The following EML1 variants were observed in gnomAD, a reference collection of about 807,000 sequenced individuals.
EML1 encodes the protein EMAP like 1.
EML1 carries 27 observed loss-of-function variants against 110.4 expected under a neutral mutation model. That is an observed-to-expected ratio of 0.24 (90% confidence interval 0.18 to 0.34). The LOEUF is 0.34. Ranked by LOEUF, EML1 falls within the 10% of genes least tolerant of loss-of-function variation. EML1 has a pLI of 1.00. For missense variants in EML1, 741 were observed against 1,030.9 expected (o/e 0.72, Z 3.85); for synonymous variants, 344 against 385.8 (o/e 0.89, Z 1.27).
At chr14:99,828,309 A>C (rs1481186803) in intron 1 of EML1, among the ~76,000 whole-genome samples, 1 of 152,184 alleles carries the variant, frequency 6.6e-6, no homozygotes, top group African/African-American at 2.4e-5. Context: ...GAGTGGCAGG[A>C]TGAAACCTTG....
chr14:99,885,516 C>A (rs764301908), intron 4 of EML1, among the ~76,000 whole-genome samples: 12 of 152,182 alleles, frequency 7.9e-5, no homozygotes, highest in Non-Finnish European at 1.3e-4. Context: ...ATTTGAAAGC[C>A]ACAGCCATTC....
chr14:99,930,452 G>T (rs1257895958), intron 17 of EML1, among the ~76,000 whole-genome samples: 1 of 152,212 alleles, frequency 6.6e-6, no homozygotes, highest in African/African-American at 2.4e-5. Context: ...GGCATGCTCA[G>T]AGCCATGAGC....
chr14:99,865,745 C>T lies in EML1; in HGVS notation c.383+99C>T, dbSNP rs959415780. 6 of 1,426,802 alleles carry T rather than the reference C, an allele frequency of 4.2e-6. No homozygotes were observed. The South Asian group carries it at 8.8e-5, about 21-fold the overall frequency. 88.4% of individuals were successfully genotyped at this position (1,426,802 alleles called of 1,614,324 possible). On this transcript the variant is annotated intron_variant, in intron 3 of 21. Transcript: ENST00000262233. ...TTAAAATGACATTGTACAATTTCTTCTGTGAGTTAAAGCTTATAAAAGTCC... is the reference window on the plus strand; with the variant it reads ...TTAAAATGACATTGTACAATTTCTTTTGTGAGTTAAAGCTTATAAAAGTCC...
intron 1 of EML1, among the ~76,000 whole-genome samples, chr14:99,745,413 C>T (rs1471922381): frequency 1.3e-5 from 2 of 152,170 alleles, no homozygotes; most frequent in African/African-American, 4.8e-5. Context: ...GGCACACACA[C>T]ACGCACACAC....
At chr14:99,853,021 TTA>T (rs781207875) in intron 2 of EML1, among the ~76,000 whole-genome samples, 4 of 152,220 alleles carry the variant, frequency 2.6e-5, no homozygotes, top group Non-Finnish European at 5.9e-5. Context: ...AGGAGCTGTT[TTA>T]TATAAATCTT....
rs140590210 is a variant in EML1 at position 99,890,493 on chromosome 14, C to T, written c.519-706C>T. 3.2e-3 allele frequency among the ~76,000 whole-genome samples: 493 copies of T among 152,280 alleles called. 5 individuals carry two copies. Among genetic ancestry groups the T allele is most frequent in the African/African-American group, 0.011 (468 of 41,574 alleles). ...TCTCCTTCTGCCCCCAGGGTCCCCT[C>T]GTGGAAGTTTCTCCTGTGAGGTGCT... On this transcript the variant is annotated intron_variant, in intron 4 of 21. Coordinates refer to ENST00000262233, the MANE Select transcript of EML1 (RefSeq NM_004434.3).
At chr14:99,755,142 T>A (rs11844271) in intron 1 of EML1, among the ~76,000 whole-genome samples, 1 of 152,306 alleles carries the variant, frequency 6.6e-6, no homozygotes, top group South Asian at 2.1e-4. Flanking sequence ...CTGGGGCCTC[T>A]GGGCCCAATC....
At chr14:99,873,789 C>T (rs771581145) in intron 3 of EML1, among the ~76,000 whole-genome samples, 7 of 152,206 alleles carry the variant, frequency 4.6e-5, no homozygotes, top group African/African-American at 1.7e-4. Flanking sequence ...TACTGAAGTG[C>T]GTTATCTCAG....
At position 99,905,063 on chromosome 14, in the gene EML1, C is replaced by T. The variant is rs1324642533; in HGVS notation, c.1009-2575C>T. 6.6e-6 allele frequency among the ~76,000 whole-genome samples: 1 copy of T among 152,054 alleles called. No homozygotes were observed. Among genetic ancestry groups the T allele is most frequent in the East Asian group, 1.9e-4 (1 of 5,198 alleles). ...TGCAGAGAGAGAGAGAGAGAAAGGC[C>T]AGAAGTCTGACTGGTAAGAAATTCT... is the stretch of plus-strand genomic sequence containing the variant. On this transcript the variant is annotated intron_variant, in intron 9 of 21. Coordinates refer to ENST00000262233, the MANE Select transcript of EML1 (RefSeq NM_004434.3). The surrounding 1 kb of genome is among the most constrained non-coding windows in gnomAD (Gnocchi z 4.1).
Position 99,940,241 on chromosome 14 carries a change from G to C in EML1, c.*129G>C. The C allele has an allele frequency of 3.1e-6, 4 of 1,282,648 alleles. No individual in the cohort carries two copies. The highest frequency in any genetic ancestry group is 3.0e-6 in the Non-Finnish European group (3 of 996,028). 79.5% of individuals were successfully genotyped at this position (1,282,648 alleles called of 1,614,324 possible). The stretch of plus-strand genomic sequence containing the variant: ...CTCAGGAAAACTGTGCCCTCCGCCG[G>C]CTACCTTAGCTTAGCGTGTCAGCGG... On this transcript the variant is annotated 3_prime_UTR_variant, in exon 22 of 22. Transcript: ENST00000262233.
chr14:99,753,183 A>ACCCCCCCCCCCCCCC (rs2057196860), intron 1 of EML1, among the ~76,000 whole-genome samples: 1 of 18,632 alleles, frequency 5.4e-5, no homozygotes. Flanking sequence ...CCACCCCCCT[A>ACCCCCCCCCCCCCCC]CCCGCACCCC....
intron 2 of EML1, among the ~76,000 whole-genome samples, chr14:99,853,290 C>A (rs2058842740): frequency 6.6e-6 from 1 of 152,128 alleles, no homozygotes; most frequent in African/African-American, 2.4e-5. Flanking sequence ...GGGCTGCATC[C>A]CCTGAGTGGA....
chr14:99,819,247 G>A (rs924703481), intron 1 of EML1, among the ~76,000 whole-genome samples: 3 of 152,032 alleles, frequency 2.0e-5, no homozygotes, highest in South Asian at 2.1e-4. Context: ...GAGCCACTGC[G>A]CCTGGCCAGA....
intron 3 of EML1, among the ~76,000 whole-genome samples, chr14:99,866,596 AGAG>A (rs1182061032): frequency 6.9e-6 from 1 of 144,858 alleles, no homozygotes; most frequent in Non-Finnish European, 1.5e-5. Context: ...AAAAAAAAAA[AGAG>A]TTCAGTAGTG....
rs1566940161 is a variant in EML1, at chr14:99,923,606, A to ACG, written c.1909+2729_1909+2730insCG. 1.2e-3 allele frequency among the ~76,000 whole-genome samples: 174 copies of ACG among 151,128 alleles called. 30 individuals are homozygous for ACG. Among genetic ancestry groups the ACG allele is most frequent in the African/African-American group, 3.5e-3 (146 of 41,156 alleles). On this transcript the variant is annotated intron_variant, in intron 17 of 21. Transcript: ENST00000262233. ...TTTGTCAAAAATCAATCGATCAGAA[A>ACG]TGTAAAGGTTTATTTCCGGATACTC... is the stretch of plus-strand genomic sequence containing the variant.
At chr14:99,843,784 A>G (rs1364387297) in intron 1 of EML1, among the ~76,000 whole-genome samples, 6 of 152,246 alleles carry the variant, frequency 3.9e-5, no homozygotes, top group South Asian at 2.1e-4. Context: ...GCCTGAGGCC[A>G]GAGACCTTCC....
chr14:99,797,782 G>A (rs963724384), intron 1 of EML1, among the ~76,000 whole-genome samples: 1 of 152,144 alleles, frequency 6.6e-6, no homozygotes, highest in Non-Finnish European at 1.5e-5. Context: ...CTCATCTCAT[G>A]GTTTACTTTC....
intron 1 of EML1, among the ~76,000 whole-genome samples, chr14:99,825,748 C>G (rs186934848): frequency 7.2e-5 from 11 of 152,344 alleles, no homozygotes; most frequent in African/African-American, 2.6e-4. Flanking sequence ...GCCCCAGCCC[C>G]TTGCCATGTA....
At chr14:99,776,467 G>A (rs1403295523) in intron 1 of EML1, among the ~76,000 whole-genome samples, 1 of 150,780 alleles carries the variant, frequency 6.6e-6, no homozygotes, top group African/African-American at 2.4e-5. Context: ...TCGCACCACT[G>A]CACTCTAGCC....
Sources: allele counts gnomAD v4.1 joint callset (sites outside exome capture counted in the v4.1 genomes callset), GRCh38; gene constraint gnomAD v4.1.1; non-coding constraint Gnocchi (gnomAD v3.1); transcripts MANE v1.5; gene names NCBI Gene and HGNC (gene_info 2026-07-23, HGNC 2026-07-21).